Variants in MTHFS observed in about 807,000 individuals in gnomAD.
The protein encoded by MTHFS is 5-formyltetrahydrofolate cyclo-ligase.
A neutral mutation model predicts 12.7 loss-of-function variants in MTHFS; 7 were observed. That is an observed-to-expected ratio of 0.55 (90% CI 0.31 to 1.03). The LOEUF (loss-of-function observed/expected upper bound fraction) is 1.03, where lower values mean the gene tolerates loss of function less well. Ranked by LOEUF, MTHFS falls within the 50% of genes least tolerant of loss-of-function variation. The pLI, the probability that MTHFS is intolerant of heterozygous loss-of-function variation, is 0.05. For missense variants in MTHFS, 252 were observed against 258.1 expected (o/e 0.98, Z 0.16); for synonymous variants, 100 against 97.1 (o/e 1.03, Z -0.18).
chr15:79,851,546 G>A (rs1222214475), intron 2 of MTHFS, among the ~76,000 whole-genome samples: 3 of 152,250 alleles, frequency 2.0e-5, no homozygotes, highest in East Asian at 1.9e-4. Flanking sequence ...TTTGTAAAGC[G>A]CCTACGATGT....
At chr15:79,846,797 G>A (rs1445430643) in intron 2 of MTHFS, among the ~76,000 whole-genome samples, 8 of 152,080 alleles carry the variant, frequency 5.3e-5, no homozygotes, top group African/African-American at 1.4e-4. Flanking sequence ...TTACTCCCTC[G>A]TGTCCTCTTT....
chr15:79,867,634 T>G (rs1306738107), intron 2 of MTHFS, among the ~76,000 whole-genome samples: 1 of 150,622 alleles, frequency 6.6e-6, no homozygotes, highest in Non-Finnish European at 1.5e-5. Flanking sequence ...CCAACAGAAG[T>G]TTTCCAAACA....
chr15:79,853,750 G>A (rs906705889), intron 2 of MTHFS, among the ~76,000 whole-genome samples: 1 of 152,238 alleles, frequency 6.6e-6, no homozygotes, highest in Non-Finnish European at 1.5e-5. Flanking sequence ...GCCTTAGGCA[G>A]AGCAGGAGCC....
rs1228938590 is a variant in MTHFS, at chr15:79,844,835, T to C, written c.*375A>G. 8.0e-6 allele frequency: 2 copies of C among 249,980 alleles called. No homozygotes were observed. The highest frequency in any genetic ancestry group is 1.6e-5 in the Non-Finnish European group (2 of 127,796). 15.5% of individuals were successfully genotyped at this position (249,980 alleles called of 1,614,324 possible). On this transcript the variant is annotated 3_prime_UTR_variant, in exon 3 of 3. Coordinates refer to ENST00000258874, the MANE Select transcript of MTHFS (RefSeq NM_006441.4). ...CATGTGCCTGCCAGGACAGACCAGGTCATGAAAGGCGTAATGAAATACAGT... is the reference window on the plus strand; with the variant it reads ...CATGTGCCTGCCAGGACAGACCAGGCCATGAAAGGCGTAATGAAATACAGT...
At chr15:79,853,741 C>A (rs1016477970) in intron 2 of MTHFS, among the ~76,000 whole-genome samples, 1 of 152,190 alleles carries the variant, frequency 6.6e-6, no homozygotes, top group African/African-American at 2.4e-5. Flanking sequence ...ACTGCTCAAG[C>A]CTTAGGCAGA....
intron 2 of MTHFS, among the ~76,000 whole-genome samples, chr15:79,865,728 T>G (rs548607754): frequency 2.0e-5 from 3 of 152,220 alleles, no homozygotes; most frequent in Non-Finnish European, 4.4e-5. Flanking sequence ...TGTTTGGATC[T>G]TCTGCCCCTG....
chr15:79,845,040 T>C lies in MTHFS; in HGVS notation c.*170A>G, dbSNP rs1436284547. On this transcript the variant is annotated 3_prime_UTR_variant, in exon 3 of 3. Coordinates refer to ENST00000258874, the MANE Select transcript of MTHFS (RefSeq NM_006441.4). Reference sequence around the variant, plus strand: ...TAATATTCTACTATTCACACTTCTATTGGTTTTTAAAGATGGTTTTATATA... The same window carrying C: ...TAATATTCTACTATTCACACTTCTACTGGTTTTTAAAGATGGTTTTATATA... The C allele has an allele frequency of 1.6e-5, 14 of 896,764 alleles. No individual in the cohort carries two copies. In the East Asian group the frequency reaches 2.9e-4, roughly 19 times the overall value. 55.6% of individuals were successfully genotyped at this position (896,764 alleles called of 1,614,324 possible).
In MTHFS at chr15:79,867,888, G is replaced by C. The variant is rs560446973; in HGVS notation, c.379+21205C>G. Among the ~76,000 whole-genome samples the C allele has an allele frequency of 5.9e-5, 9 of 152,304 alleles. No individual in the cohort carries two copies. In the South Asian group the frequency reaches 1.0e-3, roughly 18 times the overall value. On this transcript the variant is annotated intron_variant, in intron 2 of 2. Coordinates refer to ENST00000258874, the MANE Select transcript of MTHFS (RefSeq NM_006441.4). ...AGACCTACAATCTACTGGGATCATA[G>C]AAGAATGCACACTGTAGCTTTGAGT...
chr15:79,879,073 A>T (rs1053289464), intron 2 of MTHFS, among the ~76,000 whole-genome samples: 1 of 152,140 alleles, frequency 6.6e-6, no homozygotes, highest in African/African-American at 2.4e-5. Flanking sequence ...AAATCAACAG[A>T]GGAACTAAAA....
intron 2 of MTHFS, among the ~76,000 whole-genome samples, chr15:79,867,087 G>C (rs1183411093): frequency 6.6e-6 from 1 of 151,944 alleles, no homozygotes; most frequent in South Asian, 2.1e-4. Flanking sequence ...CCATTCTCCA[G>C]CCTCCCCTAA....
intron 1 of MTHFS, among the ~76,000 whole-genome samples, chr15:79,894,260 A>C (rs1272908822): frequency 6.6e-6 from 1 of 152,170 alleles, no homozygotes; most frequent in Non-Finnish European, 1.5e-5. Flanking sequence ...ACGTGCCTGT[A>C]ATCCCAGCTA....
At chr15:79,865,514 CAGG>C (rs370520530) in intron 2 of MTHFS, among the ~76,000 whole-genome samples, 3 of 152,176 alleles carry the variant, frequency 2.0e-5, no homozygotes, top group African/African-American at 7.2e-5. Flanking sequence ...AGCCCCCAGC[CAGG>C]AGGAGCAGGT....
At chr15:79,854,283 G>A (rs2033763064) in intron 2 of MTHFS, among the ~76,000 whole-genome samples, 1 of 152,234 alleles carries the variant, frequency 6.6e-6, no homozygotes, top group South Asian at 2.1e-4. Flanking sequence ...TACAGTCCCT[G>A]GGGTAGCTGA....
chr15:79,855,594 G>A (rs62027986), intron 2 of MTHFS, among the ~76,000 whole-genome samples: 21,363 of 152,098 alleles, frequency 0.14, 1,636 homozygotes, highest in Middle Eastern at 0.18. Context: ...GGGGTTTGGT[G>A]TACAGATTAT....
At chr15:79,884,861 C>T (rs2034354737) in intron 2 of MTHFS, among the ~76,000 whole-genome samples, 1 of 152,168 alleles carries the variant, frequency 6.6e-6, no homozygotes, top group Non-Finnish European at 1.5e-5. Context: ...CACAAACCTG[C>T]TTCTGTGAGG....
chr15:79,848,621 A>G (rs916482813), intron 2 of MTHFS, among the ~76,000 whole-genome samples: 1 of 152,238 alleles, frequency 6.6e-6, no homozygotes, highest in African/African-American at 2.4e-5. Flanking sequence ...GAACATCCAC[A>G]TTTAGGTAGT....
chr15:79,864,893 T>C (rs1345207774), intron 2 of MTHFS, among the ~76,000 whole-genome samples: 4 of 152,188 alleles, frequency 2.6e-5, no homozygotes, highest in Admixed American at 1.3e-4. Context: ...GCAGATGGAA[T>C]AGAGAATATT....
At chr15:79,871,166 C>T (rs930314764) in intron 2 of MTHFS, among the ~76,000 whole-genome samples, 4 of 151,972 alleles carry the variant, frequency 2.6e-5, no homozygotes, top group African/African-American at 4.8e-5. Context: ...AGAAAAGGCA[C>T]ATTTAATTTC....
At chr15:79,863,767 T>C (rs553012135) in intron 2 of MTHFS, among the ~76,000 whole-genome samples, 10 of 152,318 alleles carry the variant, frequency 6.6e-5, no homozygotes, top group East Asian at 5.8e-4. Context: ...CAGGACCATA[T>C]GGCATATGCG....
Sources: allele counts gnomAD v4.1 joint callset (sites outside exome capture counted in the v4.1 genomes callset), GRCh38; gene constraint gnomAD v4.1.1; transcripts MANE v1.5; gene names NCBI Gene and HGNC (gene_info 2026-07-23, HGNC 2026-07-21).